The following PDCD6 variants were observed in gnomAD, a reference collection of about 807,000 sequenced individuals.
PDCD6 encodes programmed cell death protein 6.
In PDCD6, 12 loss-of-function variants were observed where a neutral mutation model predicts 28.3. The ratio of observed to expected loss-of-function variants is 0.42; its 90% CI spans 0.27 to 0.69. PDCD6 has a LOEUF of 0.69. Ranked by LOEUF, PDCD6 falls within the 30% of genes least tolerant of loss-of-function variation. The pLI is 0.22. For missense variants in PDCD6, 226 were observed against 269.9 expected, an observed-to-expected ratio of 0.84 and a Z score of 1.14; for synonymous variants, 92 against 108.0, an observed-to-expected ratio of 0.85 and a Z score of 0.92.
At chr5:300,110 G>A (rs549330809) in intron 2 of PDCD6, among the ~76,000 whole-genome samples, 5 of 152,326 alleles carry the variant, frequency 3.3e-5, no homozygotes, top group East Asian at 1.9e-4. Flanking sequence ...AACCCTGCAC[G>A]TTCCCAGGAG....
intron 2 of PDCD6, among the ~76,000 whole-genome samples, chr5:302,168 G>GGAGGGC (rs1425802752): frequency 1.5e-5 from 2 of 129,726 alleles, no homozygotes; most frequent in Non-Finnish European, 3.2e-5. Context: ...CATAACTGCT[G>GGAGGGC]GAGGGCGGGT....
chr5:301,060 T>A (rs1579530122), intron 2 of PDCD6, among the ~76,000 whole-genome samples: 1 of 152,220 alleles, frequency 6.6e-6, no homozygotes, highest in African/African-American at 2.4e-5. Context: ...TTGACCGTGT[T>A]ATTTGCTGAG....
intron 2 of PDCD6, among the ~76,000 whole-genome samples, chr5:299,732 G>T (rs1473427237): frequency 1.3e-5 from 2 of 152,098 alleles, no homozygotes; most frequent in Non-Finnish European, 2.9e-5. Context: ...TGTATTTTTA[G>T]TAGAGATGGG....
intron 1 of PDCD6, 33 bp downstream of exon 1, chr5:271,854 C>T (rs761348895): frequency 3.0e-5 from 38 of 1,247,258 alleles, no homozygotes; most frequent in Middle Eastern, 5.9e-4. Context: ...CACCTCCCGC[C>T]TCCGCCGCGG....
intron 2 of PDCD6, among the ~76,000 whole-genome samples, chr5:303,460 A>G (rs1399215689): frequency 6.6e-6 from 1 of 152,030 alleles, no homozygotes; most frequent in Admixed American, 6.6e-5. Flanking sequence ...GAAGGTCATC[A>G]GTGAATCTTC....
chr5:301,623 C>T (rs1232795994), intron 2 of PDCD6, among the ~76,000 whole-genome samples: 4 of 152,028 alleles, frequency 2.6e-5, no homozygotes, highest in Non-Finnish European at 5.9e-5. Context: ...TTCAGGTGCA[C>T]CTGCCTTTGT....
At chr5:294,686 G>A (rs867762391) in intron 2 of PDCD6, among the ~76,000 whole-genome samples, 11,277 of 131,998 alleles carry the variant, frequency 0.085, no homozygotes, top group African/African-American at 0.15. Context: ...CAGCAACCCC[G>A]CTCCTGAAAC....
intron 2 of PDCD6, among the ~76,000 whole-genome samples, chr5:277,889 TG>T (rs899012732): frequency 1.8e-5 from 2 of 113,206 alleles, no homozygotes; most frequent in African/African-American, 7.4e-5. Flanking sequence ...CACTCCAGCC[TG>T]GGGGGCAGTG....
chr5:288,311 T>TATATATATATATAC lies in PDCD6; in HGVS notation c.163+15540_163+15541insTATATATATATACA, dbSNP rs34574011. Among the ~76,000 whole-genome samples, 6 of 144,956 alleles carry TATATATATATATAC rather than the reference T, an allele frequency of 4.1e-5. No homozygotes were observed. In the East Asian group the frequency reaches 5.9e-4, roughly 14 times the overall value. On this transcript the variant is annotated intron_variant, in intron 2 of 5. Coordinates refer to ENST00000264933, the MANE Select transcript of PDCD6 (RefSeq NM_013232.4). ...TATATATTATATATATATATATATA[T>TATATATATATATAC]ACACATATGTATATATAACTTAAAG...
intron 2 of PDCD6, among the ~76,000 whole-genome samples, chr5:281,847 C>T (rs1420502296): frequency 2.6e-5 from 4 of 151,916 alleles, no homozygotes; most frequent in Non-Finnish European, 5.9e-5. Flanking sequence ...GCTGAAGACT[C>T]GGGGATGAGC....
intron 2 of PDCD6, chr5:276,887 T>TGAA (rs1268431209): frequency 1.0e-6 from 1 of 985,118 alleles, no homozygotes; most frequent in South Asian, 4.7e-5. Flanking sequence ...TGAACAGGTA[T>TGAA]GAAGAAGAAG....
At chr5:284,826 G>C (rs1269719108) in intron 2 of PDCD6, among the ~76,000 whole-genome samples, 2 of 151,712 alleles carry the variant, frequency 1.3e-5, no homozygotes, top group South Asian at 4.2e-4. Flanking sequence ...TGGAGACCCG[G>C]GGGGGAGAAG....
chr5:299,789 T>G (rs1274974496), intron 2 of PDCD6, among the ~76,000 whole-genome samples: 1 of 152,210 alleles, frequency 6.6e-6, no homozygotes, highest in East Asian at 1.9e-4. Flanking sequence ...CACCTGGTGA[T>G]CCGCCCGCCT....
At chr5:290,431 C>T in intron 2 of PDCD6, 7 of 656,550 alleles carry the variant, frequency 1.1e-5, no homozygotes, top group Non-Finnish European at 2.7e-6. Context: ...CACACTCCCG[C>T]ATGCAGGCCA....
intron 2 of PDCD6, among the ~76,000 whole-genome samples, chr5:292,078 T>C (rs943482538): frequency 1.2e-4 from 18 of 152,174 alleles, no homozygotes; most frequent in Admixed American, 2.0e-4. Context: ...ATTGGGTTGT[T>C]GGTGGTGGGA....
At chr5:301,477 A>G (rs778155353) in intron 2 of PDCD6, among the ~76,000 whole-genome samples, 17 of 152,250 alleles carry the variant, frequency 1.1e-4, no homozygotes, top group Non-Finnish European at 2.2e-4. Flanking sequence ...ACCTTTCTGA[A>G]TACCTCTATA....
chr5:299,761 G>C (rs534637145), intron 2 of PDCD6, among the ~76,000 whole-genome samples: 2 of 152,294 alleles, frequency 1.3e-5, no homozygotes, highest in South Asian at 4.1e-4. Context: ...ATATTAGCCA[G>C]GATGGTCTCG....
At chr5:287,290 T>C (rs1186763309) in intron 2 of PDCD6, among the ~76,000 whole-genome samples, 1 of 152,098 alleles carries the variant, frequency 6.6e-6, no homozygotes, top group African/African-American at 2.4e-5. Context: ...AAGTCTGAAG[T>C]TCGTGGAGCT....
chr5:300,493 T>C (rs979904777), intron 2 of PDCD6, among the ~76,000 whole-genome samples: 3 of 152,236 alleles, frequency 2.0e-5, no homozygotes, highest in Non-Finnish European at 4.4e-5. Context: ...CTTTCGTGCT[T>C]TCACCAGAAA....
Sources: gnomAD v4.1 joint callset for allele counts (sites outside exome capture counted in the v4.1 genomes callset) on GRCh38, gnomAD v4.1.1 for gene constraint, MANE v1.5 for transcripts, NCBI Gene and HGNC (gene_info 2026-07-23, HGNC 2026-07-21) for gene names.